The following DYNC2H1 variants were observed in gnomAD, a reference collection of about 807,000 sequenced individuals.
DYNC2H1 encodes dynein cytoplasmic 2 heavy chain 1, also known as cytoplasmic dynein 2 heavy chain 1.
DYNC2H1 carries 410 observed loss-of-function variants against 570.0 expected under a neutral mutation model. That is an observed-to-expected ratio of 0.72 (90% CI 0.66 to 0.78). DYNC2H1 has a LOEUF of 0.78. Among genes scored for constraint, DYNC2H1 ranks in the 30% least tolerant of loss-of-function variants. The pLI, the probability that DYNC2H1 is intolerant of heterozygous loss-of-function variation, is 0.00. For missense variants in DYNC2H1, 4,865 were observed against 5,046.4 expected (o/e 0.96, Z 1.09); for synonymous variants, 1,688 against 1,677.6 (o/e 1.01, Z -0.15).
In DYNC2H1 at chr11:103,189,693, A is replaced by G. The variant is rs777254717; in HGVS notation, c.7314A>G (p.Leu2438=). The change falls in exon 45 of 89, where the codon TTA becomes TTG. Residue 2438 remains leucine (L), a synonymous_variant. Coordinates refer to ENST00000375735, the MANE Select transcript of DYNC2H1 (RefSeq NM_001377.3). This position sits in a 1 kb window ranked among gnomAD's most constrained non-coding sequence, Gnocchi z 4.3. The part of the protein sequence containing the change: ...CSIDYPEREQ[L]QTIYGAYLEP... ...TTAGTTACCCAGAAAGAGAGCAGTT[A>G]CAAACGATTTATGGAGCATATTTGG... 3 of 1,612,916 alleles carry G rather than the reference A, an allele frequency of 1.9e-6. No homozygotes were observed. The highest frequency in any genetic ancestry group is 4.5e-5 in the East Asian group (2 of 44,808).
rs200466720 is a variant in DYNC2H1 at position 103,153,387 on chromosome 11, C to G, written c.3181C>G (p.Leu1061Val). ...LEKFKARWDQ[L>V]KPGDDVIETG... ...AAAATTTAAAGCTCGTTGGGACCAA[C>G]TAAAGCCTGGTGATGATGTTATTGA... Residue 1061 changes from leucine (L) to valine (V), a missense_variant, in exon 22 of 89, where the codon CTA (leucine) becomes GTA (valine). Coordinates refer to ENST00000375735, the MANE Select transcript of DYNC2H1 (RefSeq NM_001377.3). 1,831 of 1,553,684 alleles carry G rather than the reference C, an allele frequency of 1.2e-3. 3 individuals are homozygous for G. The highest frequency in any genetic ancestry group is 1.5e-3 in the Middle Eastern group (9 of 5,980).
chr11:103,153,622 CT>C, intron 22 of DYNC2H1, 114 bp downstream of exon 22: 2 of 926,122 alleles, frequency 2.2e-6, no homozygotes, highest in Admixed American at 2.9e-5. Context: ...AACTTCATCA[CT>C]TTTTAAACTA....
chr11:103,354,806 TC>T (rs1336436903), intron 82 of DYNC2H1, among the ~76,000 whole-genome samples: 8 of 111,392 alleles, frequency 7.2e-5, no homozygotes, highest in African/African-American at 2.2e-4. Context: ...TCTTGTAAGA[TC>T]TTTTTTTTTT....
chr11:103,139,563 C>A (rs1255537212), intron 17 of DYNC2H1, among the ~76,000 whole-genome samples: 2 of 151,046 alleles, frequency 1.3e-5, no homozygotes, highest in South Asian at 4.2e-4. Context: ...AGTTTGATTG[C>A]ACTGTGGTCT....
chr11:103,316,943 A>G (rs963421165), intron 80 of DYNC2H1, among the ~76,000 whole-genome samples: 1 of 152,138 alleles, frequency 6.6e-6, no homozygotes, highest in African/African-American at 2.4e-5. Flanking sequence ...TAGCAGACTA[A>G]GATTAGTACC....
At position 103,299,321 on chromosome 11, in the gene DYNC2H1, T is replaced by C. The variant is rs928525917; in HGVS notation, c.11096-3772T>C. Among the ~76,000 whole-genome samples, 10 of 152,126 alleles carry C rather than the reference T, an allele frequency of 6.6e-5. No homozygotes were observed. Among genetic ancestry groups the C allele is most frequent in the Non-Finnish European group, 1.5e-4 (10 of 68,000 alleles). Reference sequence around the variant, plus strand: ...AAAGAAAGACATAAGGATATGTGCATTCATTTTCTGTTGCTGCTAGAAATT... The same window carrying C: ...AAAGAAAGACATAAGGATATGTGCACTCATTTTCTGTTGCTGCTAGAAATT... On this transcript the variant is annotated intron_variant, in intron 75 of 88. Transcript: ENST00000375735. The surrounding 1 kb of genome is among the most constrained non-coding windows in gnomAD (Gnocchi z 4.5).
chr11:103,426,789 C>T (rs996024704), intron 84 of DYNC2H1, among the ~76,000 whole-genome samples: 21 of 152,232 alleles, frequency 1.4e-4, no homozygotes, highest in Non-Finnish European at 2.8e-4. Context: ...TGATTGGTCG[C>T]GTTAATGCGC....
At chr11:103,276,277 A>G (rs1865902618) in intron 70 of DYNC2H1, among the ~76,000 whole-genome samples, 1 of 152,180 alleles carries the variant, frequency 6.6e-6, no homozygotes, top group Non-Finnish European at 1.5e-5. Context: ...AGGCAAGGAA[A>G]TAACTTGCTT....
chr11:103,341,778 G>C (rs1308535448), intron 82 of DYNC2H1, among the ~76,000 whole-genome samples: 1 of 152,140 alleles, frequency 6.6e-6, no homozygotes, highest in Non-Finnish European at 1.5e-5. Context: ...AGTACTCCTG[G>C]AACGAACTTT....
At chr11:103,476,754 G>A (rs771227356) in intron 88 of DYNC2H1, among the ~76,000 whole-genome samples, 9 of 151,842 alleles carry the variant, frequency 5.9e-5, no homozygotes, top group Non-Finnish European at 1.0e-4. Flanking sequence ...TGTGGGCGGC[G>A]GAGGGAGAGA....
At chr11:103,293,462 T>C (rs1266352145) in intron 75 of DYNC2H1, among the ~76,000 whole-genome samples, 1 of 152,152 alleles carries the variant, frequency 6.6e-6, no homozygotes, top group Admixed American at 6.5e-5. Context: ...TATCTTTCTC[T>C]ATGCTAGGCA....
In DYNC2H1 at chr11:103,239,664, TGTG is replaced by T. The variant is rs1864351619; in HGVS notation, c.9819+3126_9819+3128del. 6.6e-6 allele frequency among the ~76,000 whole-genome samples: 1 copy of T among 151,908 alleles called. No homozygotes were observed. Among genetic ancestry groups the T allele is most frequent in the South Asian group, 2.1e-4 (1 of 4,824 alleles). On this transcript the variant is annotated intron_variant, in intron 63 of 88. Coordinates refer to ENST00000375735, the MANE Select transcript of DYNC2H1 (RefSeq NM_001377.3). This position sits in a 1 kb window ranked among gnomAD's most constrained non-coding sequence, Gnocchi z 4.3. ...AGGAGTGTGTGTGTGTGTGTGTGTG[TGTG>T]TGTGTGTGTGTAACCTTATTTATTT...
Position 103,170,813 on chromosome 11 carries a change from A to T in DYNC2H1, c.5152-73A>T. The T allele has an allele frequency of 7.9e-7, 1 of 1,258,008 alleles. No homozygotes were observed. 77.9% of individuals were successfully genotyped at this position (1,258,008 alleles called of 1,614,324 possible). On this transcript the variant is annotated intron_variant, in intron 33 of 88. Transcript: ENST00000375735. This position sits in a 1 kb window ranked among gnomAD's most constrained non-coding sequence, Gnocchi z 4.8. The stretch of plus-strand genomic sequence containing the variant: ...TAAATTATCACCTTATCAATAAGTA[A>T]CATTAAATATTAAGTAGTTATGGAG...
rs1591309455 is a variant in DYNC2H1, at chr11:103,143,158, A to G, written c.2575-110A>G. The G allele has an allele frequency of 6.9e-6, 7 of 1,020,622 alleles. No homozygotes were observed. The East Asian group carries it at 1.5e-4, about 22-fold the overall frequency. The allele number at this position is 1,020,622 out of a possible 1,614,324, so 63.2% of individuals were successfully genotyped here. On this transcript the variant is annotated intron_variant, in intron 17 of 88. Coordinates refer to ENST00000375735, the MANE Select transcript of DYNC2H1 (RefSeq NM_001377.3). ...ATATTACTTAAATTGACACTTGAAT[A>G]CCTCATATTTTCCTCTTTTTATTGG... is the stretch of plus-strand genomic sequence containing the variant.
chr11:103,250,652 G>A (rs1042879376), intron 65 of DYNC2H1, among the ~76,000 whole-genome samples: 1 of 151,886 alleles, frequency 6.6e-6, no homozygotes, highest in African/African-American at 2.4e-5. Flanking sequence ...ATTTTATTTG[G>A]TCTTTTCTAG....
At chr11:103,457,393 G>A (rs10895434) in intron 87 of DYNC2H1, among the ~76,000 whole-genome samples, 36,539 of 151,984 alleles carry the variant, frequency 0.24, 4,591 homozygotes, top group Admixed American at 0.33. Flanking sequence ...ACAGCTTCAC[G>A]CCTGTTACTG....
intron 66 of DYNC2H1, among the ~76,000 whole-genome samples, 155 bp from the exon 67 acceptor site, chr11:103,255,260 T>C (rs552670081): frequency 6.6e-6 from 1 of 152,332 alleles, no homozygotes; most frequent in Admixed American, 6.5e-5. Context: ...GATGTAATTG[T>C]TGAAGGTGTC....
Position 103,378,968 on chromosome 11 carries a change from A to G in DYNC2H1, c.12156+20609A>G, listed in dbSNP as rs143715155. ...TTTAAGTGTATGTTTTTTTGTTTGC[A>G]TCTATTCTGTTTGATGCTCTAAAGC... is the stretch of plus-strand genomic sequence containing the variant. On this transcript the variant is annotated intron_variant, in intron 83 of 88. Transcript: ENST00000375735. Among the ~76,000 whole-genome samples the G allele has an allele frequency of 1.9e-3, 288 of 152,100 alleles. 1 individual carries two copies. The highest frequency in any genetic ancestry group is 6.6e-3 in the African/African-American group (276 of 41,536).
rs952463057 is a variant in DYNC2H1, at chr11:103,325,876, G to A, written c.12039+1886G>A. On this transcript the variant is annotated intron_variant, in intron 82 of 88. Coordinates refer to ENST00000375735, the MANE Select transcript of DYNC2H1 (RefSeq NM_001377.3). The surrounding 1 kb of genome is among the most constrained non-coding windows in gnomAD (Gnocchi z 4.8). ...CGTTGCTGGTGGGCGGGGGATGGGC[G>A]TATAGTGGGCTCCTTTGAAGGTAAG... Among the ~76,000 whole-genome samples, 1 of 152,102 alleles carries A rather than the reference G, an allele frequency of 6.6e-6. No individual in the cohort carries two copies. Among genetic ancestry groups the A allele is most frequent in the African/African-American group, 2.4e-5 (1 of 41,418 alleles).
Sources: gnomAD v4.1 joint callset for allele counts (sites outside exome capture counted in the v4.1 genomes callset) on GRCh38, gnomAD v4.1.1 for gene constraint, Gnocchi (gnomAD v3.1) non-coding constraint, MANE v1.5 for transcripts, NCBI Gene and HGNC (gene_info 2026-07-23, HGNC 2026-07-21) for gene names.